The following EDIL3 variants were observed in gnomAD, a reference collection of about 807,000 sequenced individuals.
The protein encoded by EDIL3 is EGF like and discoidin domains 3, also known as EGF-like repeat and discoidin I-like domain-containing protein 3.
Under a neutral mutation model 67.4 loss-of-function variants are expected in EDIL3, and 37 were observed. The observed-to-expected ratio is 0.55, with a 90% CI of 0.42 to 0.72. EDIL3 has a LOEUF of 0.72. EDIL3 is among the 30% of genes least tolerant of loss of function. EDIL3 has a pLI of 0.00. For synonymous variants in EDIL3, 195 were observed against 196.3 expected (o/e 0.99, Z 0.05); for missense variants, 527 against 586.3 (o/e 0.90, Z 1.04).
intron 5 of EDIL3, among the ~76,000 whole-genome samples, chr5:84,131,893 A>G (rs1464614147): frequency 2.6e-5 from 4 of 152,128 alleles, no homozygotes; most frequent in African/African-American, 9.7e-5. Context: ...GTGAACAAGT[A>G]TGTACTTAAA....
At chr5:84,052,434 G>C (rs1461667078) in intron 9 of EDIL3, among the ~76,000 whole-genome samples, 1 of 143,846 alleles carries the variant, frequency 7.0e-6, no homozygotes, top group East Asian at 2.0e-4. Flanking sequence ...ACATCATAAT[G>C]ACAGGATCAA....
chr5:83,946,667 G>A (rs969086314), intron 10 of EDIL3, among the ~76,000 whole-genome samples: 2 of 151,694 alleles, frequency 1.3e-5, no homozygotes, highest in South Asian at 2.1e-4. Context: ...TTAGGACTAC[G>A]GTCTATTCAG....
chr5:84,203,690 A>C (rs2112380654), intron 3 of EDIL3, among the ~76,000 whole-genome samples: 1 of 152,308 alleles, frequency 6.6e-6, no homozygotes, highest in South Asian at 2.1e-4. Flanking sequence ...CTGTACTCGC[A>C]CAAGTGGCAG....
intron 4 of EDIL3, among the ~76,000 whole-genome samples, chr5:84,155,242 T>C (rs548886757): frequency 6.6e-6 from 1 of 152,344 alleles, no homozygotes; most frequent in South Asian, 2.1e-4. Flanking sequence ...TGGCTAGTCA[T>C]AGAAGTCTAA....
rs192668925 is a variant in EDIL3 at position 84,310,376 on chromosome 5, G to A, written c.68-56164C>T. Among the ~76,000 whole-genome samples the A allele has an allele frequency of 1.8e-4, 28 of 152,162 alleles. No individual in the cohort carries two copies. In the East Asian group the frequency reaches 4.1e-3, roughly 22 times the overall value. On this transcript the variant is annotated intron_variant, in intron 1 of 10. Coordinates refer to ENST00000296591, the MANE Select transcript of EDIL3 (RefSeq NM_005711.5). The stretch of plus-strand genomic sequence containing the variant: ...TTACCTTAGGGCAATGTTAAGTTTC[G>A]AGCCCTGCTGTCATTATGTTAAAAC...
chr5:84,228,900 T>C (rs1017620328), intron 3 of EDIL3, among the ~76,000 whole-genome samples: 5 of 152,194 alleles, frequency 3.3e-5, no homozygotes, highest in African/African-American at 1.2e-4. Context: ...TCCTTCCATA[T>C]AAGCAAGCAC....
intron 9 of EDIL3, among the ~76,000 whole-genome samples, chr5:83,964,233 C>G (rs889636515): frequency 1.3e-5 from 2 of 151,748 alleles, no homozygotes; most frequent in Non-Finnish European, 1.5e-5. Context: ...TTTTTCACAT[C>G]TTATATAATG....
chr5:84,240,388 G>A (rs1461390714), intron 2 of EDIL3, among the ~76,000 whole-genome samples: 24 of 152,210 alleles, frequency 1.6e-4, no homozygotes, highest in Admixed American at 1.6e-3. Flanking sequence ...TAACATTGAA[G>A]ACTATATTTT....
chr5:84,247,307 G>A (rs371652694), intron 2 of EDIL3, among the ~76,000 whole-genome samples: 1 of 151,946 alleles, frequency 6.6e-6, no homozygotes, highest in Non-Finnish European at 1.5e-5. Context: ...CCAAAGTCTC[G>A]AAATCTAAAA....
chr5:84,050,197 C>CAAAAAAAAAAA (rs11335643), intron 9 of EDIL3, among the ~76,000 whole-genome samples: 1 of 60,856 alleles, frequency 1.6e-5, no homozygotes, highest in Non-Finnish European at 3.1e-5. Context: ...AACTCCATCT[C>CAAAAAAAAAAA]AAAAAAAAAA....
chr5:84,076,823 T>C (rs745718843), intron 6 of EDIL3, among the ~76,000 whole-genome samples: 8 of 152,202 alleles, frequency 5.3e-5, no homozygotes, highest in Admixed American at 5.2e-4. Context: ...TAACTATAGT[T>C]GGTCTGTCAG....
chr5:83,946,004 A>G (rs563720239), intron 10 of EDIL3, among the ~76,000 whole-genome samples: 1 of 152,110 alleles, frequency 6.6e-6, no homozygotes, highest in South Asian at 2.1e-4. Context: ...CTGTTTTCTT[A>G]TCTCAAGCAC....
intron 9 of EDIL3, among the ~76,000 whole-genome samples, chr5:84,028,038 G>A (rs1422285091): frequency 6.6e-6 from 1 of 152,090 alleles, no homozygotes; most frequent in Non-Finnish European, 1.5e-5. Context: ...AGTGTCCCAA[G>A]AATAATCCTC....
chr5:84,223,549 C>G (rs532739895), intron 3 of EDIL3, among the ~76,000 whole-genome samples: 46 of 151,752 alleles, frequency 3.0e-4, no homozygotes, highest in African/African-American at 1.1e-3. Context: ...AATGATCTCA[C>G]TTACATATGA....
chr5:84,230,703 G>A lies in EDIL3; in HGVS notation c.197-819C>T, dbSNP rs1017986231. ...ATTACAGGCATGAGCCACCGAACCC[G>A]GCCTGGACTTTTCTTAAACATGAAG... On this transcript the variant is annotated intron_variant, in intron 2 of 10. Coordinates refer to ENST00000296591, the MANE Select transcript of EDIL3 (RefSeq NM_005711.5). 2.7e-5 allele frequency among the ~76,000 whole-genome samples: 4 copies of A among 150,608 alleles called. No individual in the cohort carries two copies. The East Asian group carries it at 5.9e-4, about 22-fold the overall frequency.
At chr5:84,210,524 C>T (rs1017541353) in intron 3 of EDIL3, among the ~76,000 whole-genome samples, 13 of 151,894 alleles carry the variant, frequency 8.6e-5, no homozygotes, top group African/African-American at 2.9e-4. Context: ...AAAGGAATGA[C>T]TTTATAATAT....
chr5:84,182,965 C>T (rs1170137084), intron 3 of EDIL3, among the ~76,000 whole-genome samples: 2 of 152,116 alleles, frequency 1.3e-5, no homozygotes, highest in African/African-American at 2.4e-5. Context: ...GGTGAATGAC[C>T]AATGACTAGT....
intron 9 of EDIL3, among the ~76,000 whole-genome samples, chr5:84,015,040 C>T (rs1048195905): frequency 2.6e-5 from 4 of 152,186 alleles, no homozygotes; most frequent in African/African-American, 9.7e-5. Context: ...AAATAAACTG[C>T]TCTTATTCTA....
intron 6 of EDIL3, among the ~76,000 whole-genome samples, chr5:84,075,947 T>TTATATA (rs10546643): frequency 1.1e-4 from 14 of 130,638 alleles, no homozygotes; most frequent in East Asian, 1.0e-3. Context: ...ATTGTGGGTT[T>TTATATA]TATATATATA....
Sources: gnomAD v4.1 joint callset for allele counts (sites outside exome capture counted in the v4.1 genomes callset) on GRCh38, gnomAD v4.1.1 for gene constraint, MANE v1.5 for transcripts, NCBI Gene and HGNC (gene_info 2026-07-23, HGNC 2026-07-21) for gene names.